The following GPC6 variants were observed in gnomAD, a reference collection of about 807,000 sequenced individuals.
GPC6 encodes the protein glypican-6.
A neutral mutation model predicts 55.2 loss-of-function variants in GPC6; 14 were observed. That is an observed-to-expected ratio of 0.25 (90% CI 0.17 to 0.40). The LOEUF is 0.40. GPC6 is among the 10% of genes least tolerant of loss of function. The pLI is 1.00. For missense variants in GPC6, 641 were observed against 708.5 expected (o/e 0.90, Z 1.08); for synonymous variants, 278 against 259.6 (o/e 1.07, Z -0.68).
intron 2 of GPC6, among the ~76,000 whole-genome samples, chr13:93,651,041 G>C (rs1044741763): frequency 1.3e-5 from 2 of 152,144 alleles, no homozygotes; most frequent in African/African-American, 4.8e-5. Context: ...ACTTTCTTCA[G>C]TCTGTACATC....
intron 1 of GPC6, among the ~76,000 whole-genome samples, chr13:93,539,995 G>A (rs941551121): frequency 1.3e-5 from 2 of 152,030 alleles, no homozygotes; most frequent in Non-Finnish European, 2.9e-5. Flanking sequence ...CCAGCCGCTT[G>A]GTACTTTTTG....
chr13:94,377,382 A>G (rs9556366), intron 6 of GPC6, among the ~76,000 whole-genome samples: 8,850 of 102,472 alleles, frequency 0.086, 219 homozygotes, highest in East Asian at 0.13. Context: ...AAAAGTGGGC[A>G]AAGGACATGA....
At chr13:94,141,234 G>C (rs1178622539) in intron 4 of GPC6, among the ~76,000 whole-genome samples, 5 of 152,130 alleles carry the variant, frequency 3.3e-5, no homozygotes, top group African/African-American at 9.7e-5. Flanking sequence ...CTTGAAGCGG[G>C]GGCTTATAGG....
At chr13:93,939,437 G>GATA (rs1231036902) in intron 3 of GPC6, among the ~76,000 whole-genome samples, 1 of 150,330 alleles carries the variant, frequency 6.7e-6, no homozygotes, top group African/African-American at 2.5e-5. Context: ...TAATAATAAT[G>GATA]ATAATAATAA....
At chr13:93,436,953 ATT>A (rs1171982494) in intron 1 of GPC6, among the ~76,000 whole-genome samples, 1 of 148,212 alleles carries the variant, frequency 6.7e-6, no homozygotes, top group Non-Finnish European at 1.5e-5. Context: ...TGTTGGTGCC[ATT>A]TTTTTTTCTC....
intron 2 of GPC6, among the ~76,000 whole-genome samples, chr13:93,680,181 A>G (rs1881796557): frequency 6.6e-6 from 1 of 152,158 alleles, no homozygotes; most frequent in Admixed American, 6.6e-5. Context: ...TCCTAATTCA[A>G]TATGACTGGT....
At chr13:93,884,940 T>C (rs1404653882) in intron 3 of GPC6, among the ~76,000 whole-genome samples, 1 of 152,096 alleles carries the variant, frequency 6.6e-6, no homozygotes, top group Non-Finnish European at 1.5e-5. Flanking sequence ...TTATCACTCA[T>C]GCATATATTC....
intron 4 of GPC6, among the ~76,000 whole-genome samples, chr13:94,042,455 A>G (rs1036537982): frequency 5.9e-5 from 9 of 151,830 alleles, no homozygotes; most frequent in Non-Finnish European, 8.8e-5. Flanking sequence ...TTTATCCCCT[A>G]TCTTTTTCAT....
At chr13:94,206,435 A>G (rs1480161027) in intron 4 of GPC6, among the ~76,000 whole-genome samples, 1 of 152,102 alleles carries the variant, frequency 6.6e-6, no homozygotes, top group Non-Finnish European at 1.5e-5. Flanking sequence ...TTAATTTTCT[A>G]TTAAGATTAG....
chr13:93,313,836 A>T (rs1879156390), intron 1 of GPC6, among the ~76,000 whole-genome samples: 1 of 152,014 alleles, frequency 6.6e-6, no homozygotes, highest in African/African-American at 2.4e-5. Context: ...CTGGCCTAAA[A>T]TTTTATCTTC....
intron 2 of GPC6, among the ~76,000 whole-genome samples, chr13:93,791,991 T>G (rs544383456): frequency 6.6e-6 from 1 of 152,378 alleles, no homozygotes; most frequent in South Asian, 2.1e-4. Flanking sequence ...TGAAGATTTT[T>G]TTTCTAAAGA....
intron 4 of GPC6, chr13:94,186,843 G>A (rs1415660750): frequency 6.6e-6 from 1 of 152,212 alleles, no homozygotes; most frequent in Non-Finnish European, 1.5e-5. Context: ...CACTCAAATA[G>A]CAGGCCAGAA....
chr13:94,396,059 T>C (rs1257441793), intron 7 of GPC6, among the ~76,000 whole-genome samples: 2 of 152,198 alleles, frequency 1.3e-5, no homozygotes, highest in Non-Finnish European at 2.9e-5. Context: ...TTACTGTGTC[T>C]TTGGGTGCCT....
At chr13:94,320,761 C>A (rs1410436192) in intron 6 of GPC6, among the ~76,000 whole-genome samples, 1 of 152,108 alleles carries the variant, frequency 6.6e-6, no homozygotes, top group East Asian at 1.9e-4. Context: ...TAGTTTGGAG[C>A]CTTTGAAAGT....
intron 3 of GPC6, among the ~76,000 whole-genome samples, chr13:93,985,144 A>AC (rs1192980103): frequency 6.6e-6 from 1 of 152,138 alleles, no homozygotes; most frequent in Non-Finnish European, 1.5e-5. Context: ...AAGTAAAAAA[A>AC]GAGGCCAGGG....
intron 1 of GPC6, among the ~76,000 whole-genome samples, chr13:93,478,236 G>A (rs935423322): frequency 6.6e-5 from 10 of 152,086 alleles, no homozygotes; most frequent in Admixed American, 1.3e-4. Flanking sequence ...GAAAAAAGTC[G>A]TCAATAAGAC....
chr13:93,858,773 G>C (rs143260060), intron 3 of GPC6, among the ~76,000 whole-genome samples: 327 of 151,608 alleles, frequency 2.2e-3, no homozygotes, highest in African/African-American at 7.4e-3. Flanking sequence ...TTGGAGTAGT[G>C]GGGGTGAAAG....
At chr13:94,336,683 A>G (rs1877722288) in intron 6 of GPC6, among the ~76,000 whole-genome samples, 1 of 151,976 alleles carries the variant, frequency 6.6e-6, no homozygotes, top group Non-Finnish European at 1.5e-5. Context: ...TTTCTCTGCA[A>G]CAACAACAAC....
chr13:93,253,163 A>T (rs891304221), intron 1 of GPC6, among the ~76,000 whole-genome samples: 4 of 152,232 alleles, frequency 2.6e-5, no homozygotes, highest in African/African-American at 9.6e-5. Flanking sequence ...GAGAAGTTAA[A>T]CATAAAGAGT....
Sources: gnomAD v4.1 joint callset for allele counts (sites outside exome capture counted in the v4.1 genomes callset) on GRCh38, gnomAD v4.1.1 for gene constraint, MANE v1.5 for transcripts, NCBI Gene and HGNC (gene_info 2026-07-23, HGNC 2026-07-21) for gene names.